RASSF3: variants seen among roughly 807,000 people sequenced by gnomAD.
RASSF3 encodes ras association domain-containing protein 3.
In RASSF3, 19 loss-of-function variants were observed where a neutral mutation model predicts 19.9. That is an observed-to-expected ratio of 0.96 (90% confidence interval 0.67 to 1.40). RASSF3 has a LOEUF of 1.40. RASSF3 is among the 40% of genes most tolerant of loss of function. The probability of loss-of-function intolerance (pLI) is 0.00; values close to 1 mark genes in which losing one functional copy is unlikely to be tolerated. For synonymous variants in RASSF3, 110 were observed against 104.2 expected (o/e 1.06, Z -0.34); for missense variants, 306 against 289.8 (o/e 1.06, Z -0.41).
At chr12:64,537,341 T>A (rs1868850043) in intron 1 of RASSF3, among the ~76,000 whole-genome samples, 1 of 152,192 alleles carries the variant, frequency 6.6e-6, no homozygotes, top group African/African-American at 2.4e-5. Context: ...CTATCCCCTC[T>A]GTCTCACAAA....
Position 64,565,410 on chromosome 12 carries a change from C to T in RASSF3, c.294+23705C>T, listed in dbSNP as rs553785112. 4.6e-5 allele frequency among the ~76,000 whole-genome samples: 7 copies of T among 151,602 alleles called. No homozygotes were observed. In the South Asian group the frequency reaches 8.4e-4, roughly 18 times the overall value. On this transcript the variant is annotated intron_variant, in intron 2 of 5. Transcript: ENST00000637125. Reference sequence around the variant, plus strand: ...TTGCCAACAGGGCAAAAACTCATCTCTACTAAAAATACAAAAATTAGGCCA... The same window carrying T: ...TTGCCAACAGGGCAAAAACTCATCTTTACTAAAAATACAAAAATTAGGCCA...
At chr12:64,621,659 G>A (rs1405627274) in intron 1 of RASSF3, among the ~76,000 whole-genome samples, 1 of 152,120 alleles carries the variant, frequency 6.6e-6, no homozygotes, top group Non-Finnish European at 1.5e-5. Context: ...TGTATTTTTA[G>A]TAGAGACAGG....
At chr12:64,670,029 GT>G (rs376330782) in intron 1 of RASSF3, among the ~76,000 whole-genome samples, 8,735 of 146,376 alleles carry the variant, frequency 0.06, 833 homozygotes, top group African/African-American at 0.2. Flanking sequence ...GGCAGTATCA[GT>G]TTTTTTTTTT....
At chr12:64,673,038 A>G (rs1245525562) in intron 1 of RASSF3, among the ~76,000 whole-genome samples, 3 of 152,222 alleles carry the variant, frequency 2.0e-5, no homozygotes, top group African/African-American at 7.2e-5. Flanking sequence ...CTCGCCTCCA[A>G]ATGAGCCTGT....
chr12:64,656,358 A>G (rs1026879301), intron 1 of RASSF3, among the ~76,000 whole-genome samples: 4 of 152,168 alleles, frequency 2.6e-5, no homozygotes, highest in Non-Finnish European at 5.9e-5. Flanking sequence ...GGGTTGATGA[A>G]AATAGAGATG....
At chr12:64,542,460 TC>T (rs1292993166), downstream of RASSF3, among the ~76,000 whole-genome samples, 1 of 152,184 alleles carries the variant, frequency 6.6e-6, no homozygotes, top group Non-Finnish European at 1.5e-5. Flanking sequence ...AGCCAGCACA[TC>T]CATTCTCACT....
chr12:64,512,211 G>A (rs1285651202), intron 1 of RASSF3, among the ~76,000 whole-genome samples: 1 of 152,224 alleles, frequency 6.6e-6, no homozygotes, highest in Non-Finnish European at 1.5e-5. Context: ...GTCTATTGGA[G>A]GGTAGGGTGT....
At chr12:64,658,932 T>A (rs183349856) in intron 1 of RASSF3, among the ~76,000 whole-genome samples, 3 of 152,230 alleles carry the variant, frequency 2.0e-5, no homozygotes, top group Admixed American at 6.5e-5. Context: ...TAGCCAGGTG[T>A]GGTGATGTAC....
At chr12:64,671,501 G>A (rs567720448) in intron 1 of RASSF3, among the ~76,000 whole-genome samples, 10 of 152,288 alleles carry the variant, frequency 6.6e-5, no homozygotes, top group African/African-American at 2.4e-4. Context: ...CACCCTATCT[G>A]CAACCAAGCA....
At chr12:64,648,802 A>T (rs1332080287) in intron 1 of RASSF3, among the ~76,000 whole-genome samples, 19 of 104,988 alleles carry the variant, frequency 1.8e-4, no homozygotes, top group African/African-American at 1.9e-4. Flanking sequence ...TTTTACATTG[A>T]TTTTTTTTTT....
chr12:64,591,922 G>C (rs544047324), intron 2 of RASSF3, among the ~76,000 whole-genome samples: 2 of 147,258 alleles, frequency 1.4e-5, no homozygotes, highest in Middle Eastern at 6.9e-3. Context: ...TTTTTTTTGA[G>C]ACAGGGTTTT....
intron 2 of RASSF3, among the ~76,000 whole-genome samples, chr12:64,591,997 A>C (rs1869933755): frequency 6.6e-6 from 1 of 151,406 alleles, no homozygotes; most frequent in African/African-American, 2.4e-5. Context: ...TGCTTCCCAG[A>C]CCCACGAGAT....
chr12:64,571,174 A>G (rs996572950), intron 2 of RASSF3, among the ~76,000 whole-genome samples: 24 of 152,248 alleles, frequency 1.6e-4, no homozygotes, highest in African/African-American at 5.5e-4. Flanking sequence ...TCGCGCCATT[A>G]CACTCCAACC....
intron 2 of RASSF3, among the ~76,000 whole-genome samples, chr12:64,598,119 A>G (rs1208734593): frequency 2.6e-5 from 4 of 152,230 alleles, no homozygotes; most frequent in Admixed American, 6.5e-5. Flanking sequence ...GGGTTTCACC[A>G]TGTTGGCCAA....
Position 64,650,408 on chromosome 12 carries a change from CTTT to C in RASSF3, c.112-34357_112-34355del, listed in dbSNP as rs67304103. Among the ~76,000 whole-genome samples the C allele has an allele frequency of 6.2e-3, 530 of 85,444 alleles. 1 individual carries two copies. Among genetic ancestry groups the C allele is most frequent in the African/African-American group, 0.025 (512 of 20,656 alleles). 56.1% of individuals were successfully genotyped at this position (85,444 alleles called of 152,430 possible). On this transcript the variant is annotated intron_variant, in intron 1 of 4. Transcript: ENST00000542104. ...GCCAGGAGGTGTTTCTTTTTTTTTC[CTTT>C]TTTTTTTTTTTTTTTTTTTTTGAGA...
chr12:64,532,928 C>A (rs1565834059), upstream of RASSF3, among the ~76,000 whole-genome samples: 1 of 152,190 alleles, frequency 6.6e-6, no homozygotes, highest in African/African-American at 2.4e-5. Context: ...AAATACATTG[C>A]CAAAGGTCAC....
intron 1 of RASSF3, among the ~76,000 whole-genome samples, chr12:64,513,375 A>C (rs1321202851): frequency 2.0e-5 from 3 of 150,914 alleles, no homozygotes; most frequent in African/African-American, 7.3e-5. Context: ...GCTTGAACCC[A>C]GGAGGTGAAA....
Position 64,688,356 on chromosome 12 carries a change from T to C in RASSF3, c.360T>C (p.Thr120=), listed in dbSNP as rs1387712970. ...CACTTCATATCAGCAGCACAAACAC[T>C]GTCGGGGAAGTGATCGAGGCCCTGC... ...MNTLHISSTN[T]VGEVIEALLK... is the part of the protein sequence containing the mutation. Residue 120 remains threonine (T), a synonymous_variant, in exon 3 of 5, where the codon ACT becomes ACC. Transcript: ENST00000542104. 1 of 1,614,194 alleles carries C rather than the reference T, an allele frequency of 6.2e-7. No homozygotes were observed. Among genetic ancestry groups the C allele is most frequent in the Non-Finnish European group, 8.5e-7 (1 of 1,180,036 alleles).
chr12:64,625,087 A>C (rs1175790453), intron 1 of RASSF3, among the ~76,000 whole-genome samples: 1 of 152,164 alleles, frequency 6.6e-6, no homozygotes, highest in Non-Finnish European at 1.5e-5. Context: ...CTAATAGTCC[A>C]GCCAAAGAGC....
Sources: allele counts gnomAD v4.1 joint callset (sites outside exome capture counted in the v4.1 genomes callset), GRCh38; gene constraint gnomAD v4.1.1; transcripts MANE v1.5; gene names NCBI Gene and HGNC (gene_info 2026-07-23, HGNC 2026-07-21).